Variants in CDHR2 observed in about 807,000 individuals in gnomAD.
CDHR2 encodes cadherin related family member 2, also known as cadherin-related family member 2.
Under a neutral mutation model 138.6 loss-of-function variants are expected in CDHR2, and 104 were observed. That is an observed-to-expected ratio of 0.75 (90% CI 0.64 to 0.88). The LOEUF (loss-of-function observed/expected upper bound fraction) is 0.88, where lower values mean the gene tolerates loss of function less well. CDHR2 is among the 40% of genes least tolerant of loss of function. The probability of loss-of-function intolerance (pLI) is 0.00; values close to 1 mark genes in which losing one functional copy is unlikely to be tolerated. For synonymous variants in CDHR2, 755 were observed against 742.8 expected (o/e 1.02, Z -0.27); for missense variants, 1,624 against 1,727.6 (o/e 0.94, Z 1.06).
chr5:176,556,653 AGACTCC>A (rs1757834113), intron 1 of CDHR2: 1 of 152,534 alleles, frequency 6.6e-6, no homozygotes, highest in Non-Finnish European at 1.5e-5. Context: ...CGACAGAGCG[AGACTCC>A]GTCTCAAAAA....
Position 176,592,242 on chromosome 5 carries a change from ATGG to A in CDHR2, c.3735-469_3735-467del, listed in dbSNP as rs1345836070. 7.0e-3 allele frequency among the ~76,000 whole-genome samples: 776 copies of A among 111,184 alleles called. 14 individuals carry two copies. Among genetic ancestry groups the A allele is most frequent in the African/African-American group, 0.027 (725 of 27,172 alleles). 72.9% of individuals were successfully genotyped at this position (111,184 alleles called of 152,430 possible). On this transcript the variant is annotated intron_variant, in intron 30 of 31. Coordinates refer to ENST00000261944, the MANE Select transcript of CDHR2 (RefSeq NM_017675.6). ...GATGATGGTGATGATGACAATGATGATGGTGGTGGTGGTGTTGGTGTTGAGGTG... is the reference window on the plus strand; with the variant it reads ...GATGATGGTGATGATGACAATGATGATGGTGGTGGTGTTGGTGTTGAGGTG...
intron 16 of CDHR2, among the ~76,000 whole-genome samples, chr5:176,579,983 A>C (rs1272060917): frequency 6.6e-6 from 1 of 152,152 alleles, no homozygotes; most frequent in Non-Finnish European, 1.5e-5. Flanking sequence ...AAGGTGTGGG[A>C]GGCATCGGGG....
chr5:176,569,315 GCT>G (rs1297238372), intron 5 of CDHR2, among the ~76,000 whole-genome samples: 1 of 140,566 alleles, frequency 7.1e-6, no homozygotes, highest in Non-Finnish European at 1.5e-5. Context: ...ACGGAGTCTC[GCT>G]CTGTCGCCCA....
intron 5 of CDHR2, 81 bp downstream of exon 5, chr5:176,569,091 G>C (rs1758159355): frequency 4.5e-6 from 6 of 1,321,342 alleles, no homozygotes; most frequent in South Asian, 1.2e-5. Flanking sequence ...GCAAGCGGAC[G>C]GTGCCCCAGT....
chr5:176,565,949 C>T (rs766078630), intron 3 of CDHR2, among the ~76,000 whole-genome samples: 22 of 152,144 alleles, frequency 1.4e-4, no homozygotes, highest in African/African-American at 4.3e-4. Context: ...AGGTGTGAGA[C>T]GCACCTCCAG....
chr5:176,569,573 C>A (rs1327410559), intron 5 of CDHR2, among the ~76,000 whole-genome samples: 1 of 152,306 alleles, frequency 6.6e-6, no homozygotes, highest in South Asian at 2.1e-4. Context: ...TGAGCCACCA[C>A]GCCCGGCCTA....
Position 176,575,737 on chromosome 5 carries a change from C to T in CDHR2, c.858C>T (p.Pro286=), listed in dbSNP as rs746333936. ...TCTCCTTGCCAGACTCCACGCGGCC[C>T]GGCTGGTTTGACATCGGGGCAGATG... is the stretch of plus-strand genomic sequence containing the variant. ...VIYSISYSTR[P]GWFDIGADGV... is the part of the protein sequence containing the mutation. Residue 286 remains proline, a synonymous_variant, in exon 11 of 32, where the codon CCC becomes CCT. Coordinates refer to ENST00000261944, the MANE Select transcript of CDHR2 (RefSeq NM_017675.6). 6.3e-6 allele frequency: 10 copies of T among 1,574,928 alleles called. No individual in the cohort carries two copies. In the East Asian group the frequency reaches 7.1e-5, roughly 11 times the overall value.
At chr5:176,577,984 G>A (rs755775091) in intron 14 of CDHR2, 50 bp from the exon 15 acceptor site, 16 of 1,564,766 alleles carry the variant, frequency 1.0e-5, no homozygotes, top group South Asian at 5.8e-5. Context: ...CATGGGTGGC[G>A]GTGCGTGCAT....
rs1758381609 is a variant in CDHR2 at position 176,576,311 on chromosome 5, T to C, written c.1194+126T>C. ...TGGTGCAGGGTGTGATGGCGGAGAA[T>C]GGGGGTGCTGGGTGCTCTCTGGAAG... is the stretch of plus-strand genomic sequence containing the variant. On this transcript the variant is annotated intron_variant, in intron 12 of 31. Coordinates refer to ENST00000261944, the MANE Select transcript of CDHR2 (RefSeq NM_017675.6). This position sits in a 1 kb window ranked among gnomAD's most constrained non-coding sequence, Gnocchi z 4.5. 1.4e-6 allele frequency: 1 copy of C among 731,366 alleles called. No homozygotes were observed. Among genetic ancestry groups the C allele is most frequent in the South Asian group, 1.7e-5 (1 of 58,088 alleles). 45.3% of individuals were successfully genotyped at this position (731,366 alleles called of 1,614,324 possible).
rs776714627 is a variant in CDHR2 at position 176,584,836 on chromosome 5, C to T, written c.2555C>T (p.Thr852Ile). 3 of 1,614,166 alleles carry T rather than the reference C, an allele frequency of 1.9e-6. No homozygotes were observed. The highest frequency in any genetic ancestry group is 4.5e-5 in the East Asian group (2 of 44,878). The change falls in exon 19 of 32, where the codon ACC becomes ATC. Residue 852 changes from threonine to isoleucine, a missense_variant. Around this residue, in one of 3 missense-constraint regions of CDHR2, gnomAD observed 1,061 missense variants for 1,136.6 expected, o/e 0.93. Coordinates refer to ENST00000261944, the MANE Select transcript of CDHR2 (RefSeq NM_017675.6). ...LEIQLVNILC[T>I]KAGVDVGSLC... is the part of the protein sequence containing the mutation. Reference sequence around the variant, plus strand: ...ATACAGCTTGTGAACATTCTCTGCACCAAGGCCGGGGTCGATGTGGGCAGC... The same window carrying T: ...ATACAGCTTGTGAACATTCTCTGCATCAAGGCCGGGGTCGATGTGGGCAGC...
At position 176,595,684 on chromosome 5, in the gene CDHR2, A is replaced by G; in HGVS notation, c.*12A>G. ...CCACGGACCTGTGACAGGGGCCCCC[A>G]CTCTTCTGGACCCCTTGAAGAGGCC... On this transcript the variant is annotated 3_prime_UTR_variant, in exon 32 of 32. Transcript: ENST00000261944. The G allele has an allele frequency of 6.4e-7, 1 of 1,553,380 alleles. No individual in the cohort carries two copies. The highest frequency in any genetic ancestry group is 8.7e-7 in the Non-Finnish European group (1 of 1,147,970).
At chr5:176,591,151 C>T (rs1581151583) in intron 28 of CDHR2, 59 bp from the exon 29 acceptor site, 1 of 1,184,226 alleles carries the variant, frequency 8.4e-7, no homozygotes, top group East Asian at 2.4e-5. Context: ...CTCAGGGCCT[C>T]CACTGGGGAC....
At position 176,590,268 on chromosome 5, in the gene CDHR2, C is replaced by T. The variant is rs1313376334; in HGVS notation, c.3291C>T (p.Ser1097=). The T allele has an allele frequency of 6.2e-7, 1 of 1,614,202 alleles. No individual in the cohort carries two copies. Among genetic ancestry groups the T allele is most frequent in the Admixed American group, 1.7e-5 (1 of 60,036 alleles). The change falls in exon 26 of 32, where the codon TCC becomes TCT. Residue 1097 remains serine, a synonymous_variant. Transcript: ENST00000261944. ...IDSAARARPH[S]YLDAYFVFPN... ...CCCGCTCCAGGGCCCGACCTCACTC[C>T]TACCTCGATGCCTACTTTGTCTTCC...
chr5:176,547,534 C>T (rs1757611727), upstream of CDHR2: 2 of 152,048 alleles, frequency 1.3e-5, no homozygotes, highest in Admixed American at 6.5e-5. Flanking sequence ...TGTTTCTGAC[C>T]TGGGCTGGTT....
chr5:176,590,747 CG>C lies in CDHR2; in HGVS notation c.3539+66del. 4 of 1,607,096 alleles carry C rather than the reference CG, an allele frequency of 2.5e-6. No homozygotes were observed. In the Admixed American group the frequency reaches 5.0e-5, roughly 20 times the overall value. On this transcript the variant is annotated intron_variant, in intron 28 of 31. Transcript: ENST00000261944. The stretch of plus-strand genomic sequence containing the variant: ...CACCCTCTCCCACCACCCAAGACGT[CG>C]GGGGGTAGGGGTAGAAGGAGCTGGG...
rs749923650 is a variant in CDHR2, at chr5:176,565,361, G to C, written c.9G>C (p.Gln3His). 6.2e-7 allele frequency: 1 copy of C among 1,614,144 alleles called. No individual in the cohort carries two copies. Among genetic ancestry groups the C allele is most frequent in the Non-Finnish European group, 8.5e-7 (1 of 1,179,986 alleles). The part of the protein sequence containing the change: MA[Q>H]LWLSCFLLPA... ...AGGTCCCTGCGGATGTGATGGCCCAGCTATGGCTGTCCTGCTTCCTCCTTC... is the reference window on the plus strand; with the variant it reads ...AGGTCCCTGCGGATGTGATGGCCCACCTATGGCTGTCCTGCTTCCTCCTTC... The change falls in exon 2 of 32, where the codon CAG becomes CAC. Residue 3 changes from glutamine (Q) to histidine (H), a missense_variant. Around this residue, in one of 3 missense-constraint regions of CDHR2, gnomAD observed 1,061 missense variants for 1,136.6 expected, o/e 0.93. Coordinates refer to ENST00000261944, the MANE Select transcript of CDHR2 (RefSeq NM_017675.6).
At chr5:176,557,908 A>G (rs1429444416) in intron 1 of CDHR2, among the ~76,000 whole-genome samples, 8 of 151,026 alleles carry the variant, frequency 5.3e-5, no homozygotes, top group Admixed American at 2.6e-4. Context: ...GGGTTTTGCC[A>G]TGTTAGCCAG....
chr5:176,580,889 GA>G (rs1200040080), intron 16 of CDHR2, among the ~76,000 whole-genome samples: 2 of 151,864 alleles, frequency 1.3e-5, no homozygotes, highest in Non-Finnish European at 2.9e-5. Context: ...AAAGAAAAAA[GA>G]AAAAAGAAAA....
At chr5:176,562,171 C>A (rs1421953429) in intron 1 of CDHR2, among the ~76,000 whole-genome samples, 1 of 151,862 alleles carries the variant, frequency 6.6e-6, no homozygotes, top group Non-Finnish European at 1.5e-5. Context: ...GGGGAGCCAT[C>A]GAAGGGTTTT....
Sources: allele counts gnomAD v4.1 joint callset (sites outside exome capture counted in the v4.1 genomes callset), GRCh38; gene constraint gnomAD v4.1.1; regional missense constraint gnomAD v4.1.1; non-coding constraint Gnocchi (gnomAD v3.1); transcripts MANE v1.5; gene names NCBI Gene and HGNC (gene_info 2026-07-23, HGNC 2026-07-21).